The following BMPR1B variants were observed in gnomAD, a reference collection of about 807,000 sequenced individuals.
BMPR1B encodes bone morphogenetic protein receptor type-1B.
BMPR1B carries 12 observed loss-of-function variants against 59.1 expected under a neutral mutation model. The observed-to-expected ratio is 0.20, with a 90% CI of 0.13 to 0.33. The LOEUF (loss-of-function observed/expected upper bound fraction) is 0.33. Ranked by LOEUF, BMPR1B falls within the 10% of genes least tolerant of loss-of-function variation. BMPR1B has a pLI of 1.00. For missense variants in BMPR1B, 550 were observed against 610.9 expected, an observed-to-expected ratio of 0.90 and a Z score of 1.05; for synonymous variants, 237 against 207.3, an observed-to-expected ratio of 1.14 and a Z score of -1.23.
In BMPR1B at chr4:95,120,693, TTC is replaced by T. The variant is rs1351093675; in HGVS notation, c.350-3111_350-3110del. ...TCTTTCTTTTCTTTTCTTTCTTTCT[TTC>T]TCTCTTTCTCTCTCTCTCTCTTTCT... On this transcript the variant is annotated intron_variant, in intron 6 of 12. Coordinates refer to ENST00000515059, the MANE Select transcript of BMPR1B (RefSeq NM_001203.3). Among the ~76,000 whole-genome samples the T allele has an allele frequency of 5.4e-5, 8 of 148,390 alleles. No homozygotes were observed. In the East Asian group the frequency reaches 7.9e-4, roughly 15 times the overall value.
At chr4:94,975,357 G>GTTTTTTTTTTTTTTT (rs1177887549) in intron 2 of BMPR1B, among the ~76,000 whole-genome samples, 1 of 94,220 alleles carries the variant, frequency 1.1e-5, no homozygotes. Context: ...ATTTCCTTTT[G>GTTTTTTTTTTTTTTT]TTTTTGTTTT....
At chr4:95,019,975 T>A (rs1156964169) in intron 3 of BMPR1B, among the ~76,000 whole-genome samples, 1 of 152,158 alleles carries the variant, frequency 6.6e-6, no homozygotes, top group Non-Finnish European at 1.5e-5. Flanking sequence ...TTGAAGAGAA[T>A]AGTGTAAATT....
intron 9 of BMPR1B, among the ~76,000 whole-genome samples, chr4:95,130,602 A>C (rs1007883238): frequency 3.9e-5 from 6 of 151,980 alleles, no homozygotes; most frequent in Non-Finnish European, 7.4e-5. Flanking sequence ...ATACCATAGT[A>C]GTTTGTAATA....
chr4:95,023,347 T>C (rs1724124463), intron 3 of BMPR1B, among the ~76,000 whole-genome samples: 1 of 152,162 alleles, frequency 6.6e-6, no homozygotes, highest in African/African-American at 2.4e-5. Context: ...CTAGCAGCAA[T>C]GATGGCAAAC....
intron 1 of BMPR1B, among the ~76,000 whole-genome samples, chr4:94,816,355 A>G (rs1724010984): frequency 6.6e-6 from 1 of 151,878 alleles, no homozygotes. Context: ...TTTAGTAGAG[A>G]TGGAGTTTCA....
chr4:94,870,123 A>G (rs1343484560), intron 1 of BMPR1B, among the ~76,000 whole-genome samples: 1 of 152,206 alleles, frequency 6.6e-6, no homozygotes, highest in Admixed American at 6.5e-5. Context: ...AACTCTGATC[A>G]GTCTTAACTA....
At chr4:94,955,279 T>C (rs896486630) in intron 2 of BMPR1B, among the ~76,000 whole-genome samples, 1 of 152,204 alleles carries the variant, frequency 6.6e-6, no homozygotes, top group Non-Finnish European at 1.5e-5. Flanking sequence ...AGAAACTGTG[T>C]TTCATGATCT....
chr4:95,001,844 T>G (rs1372976111), intron 3 of BMPR1B, among the ~76,000 whole-genome samples: 2 of 152,174 alleles, frequency 1.3e-5, no homozygotes, highest in African/African-American at 4.8e-5. Context: ...AAGTTTTTGC[T>G]TCTCTATTTC....
At chr4:94,919,769 G>C (rs1728622850) in intron 2 of BMPR1B, among the ~76,000 whole-genome samples, 1 of 152,016 alleles carries the variant, frequency 6.6e-6, no homozygotes. Flanking sequence ...TATGGGAATG[G>C]GGAACTACCA....
At chr4:95,115,550 A>G (rs978421216) in intron 5 of BMPR1B, 135 bp from the exon 6 acceptor site, 3 of 761,732 alleles carry the variant, frequency 3.9e-6, no homozygotes, top group Admixed American at 2.1e-5. Context: ...AGAGGAGAAC[A>G]TATTTAAGGT....
At chr4:95,011,299 G>T (rs1331069372) in intron 3 of BMPR1B, among the ~76,000 whole-genome samples, 1 of 151,894 alleles carries the variant, frequency 6.6e-6, no homozygotes, top group Non-Finnish European at 1.5e-5. Flanking sequence ...TTTAGCTCCC[G>T]CTTATAAGTG....
At chr4:94,824,714 TTC>T (rs1431863940) in intron 1 of BMPR1B, among the ~76,000 whole-genome samples, 1 of 152,148 alleles carries the variant, frequency 6.6e-6, no homozygotes, top group African/African-American at 2.4e-5. Flanking sequence ...ACAGAAAAAT[TTC>T]TGTTTAATTG....
chr4:94,901,178 A>G (rs1003068256), intron 2 of BMPR1B, among the ~76,000 whole-genome samples: 13 of 151,980 alleles, frequency 8.6e-5, no homozygotes, highest in Non-Finnish European at 1.9e-4. Flanking sequence ...TTCCAAATTG[A>G]GTGTTGTGAC....
At chr4:95,023,561 T>A (rs879560772) in intron 3 of BMPR1B, among the ~76,000 whole-genome samples, 3 of 137,462 alleles carry the variant, frequency 2.2e-5, no homozygotes, top group East Asian at 2.2e-4. Context: ...TTTTTTTTTT[T>A]AAATTGATAG....
At chr4:95,009,324 A>G (rs1723066822) in intron 3 of BMPR1B, among the ~76,000 whole-genome samples, 1 of 152,214 alleles carries the variant, frequency 6.6e-6, no homozygotes. Flanking sequence ...GCAATTTTTT[A>G]ATAGTAGTAG....
chr4:94,765,598 G>A (rs567357030), intron 1 of BMPR1B, among the ~76,000 whole-genome samples: 1 of 152,116 alleles, frequency 6.6e-6, no homozygotes, highest in Non-Finnish European at 1.5e-5. Context: ...ACAGAGAGGG[G>A]ACATAATTTA....
intron 1 of BMPR1B, among the ~76,000 whole-genome samples, chr4:94,762,468 G>T (rs1041139360): frequency 6.6e-6 from 1 of 152,150 alleles, no homozygotes; most frequent in African/African-American, 2.4e-5. Context: ...AGATCTGAAA[G>T]AACTTCCTAT....
chr4:95,117,373 GACTCTAA>G (rs1360744170), intron 6 of BMPR1B, among the ~76,000 whole-genome samples: 1 of 152,146 alleles, frequency 6.6e-6, no homozygotes, highest in African/African-American at 2.4e-5. Flanking sequence ...GAGTAGCAGT[GACTCTAA>G]ACAGATGCAG....
In BMPR1B at chr4:94,971,523, A is replaced by C. The variant is rs115619660; in HGVS notation, c.-112-24517A>C. On this transcript the variant is annotated intron_variant, in intron 2 of 12. Coordinates refer to ENST00000515059, the MANE Select transcript of BMPR1B (RefSeq NM_001203.3). ...ATTCAGAGGTGCCTCAATTGCAGGC[A>C]GTGCTCACTCTCTACTTCTCTTCCT... is the stretch of plus-strand genomic sequence containing the variant. Among the ~76,000 whole-genome samples the C allele has an allele frequency of 8.3e-3, 1,271 of 152,250 alleles. 17 individuals are homozygous for C. Among genetic ancestry groups the C allele is most frequent in the African/African-American group, 0.029 (1,198 of 41,566 alleles).
Sources: gnomAD v4.1 joint callset for allele counts (sites outside exome capture counted in the v4.1 genomes callset) on GRCh38, gnomAD v4.1.1 for gene constraint, MANE v1.5 for transcripts, NCBI Gene and HGNC (gene_info 2026-07-23, HGNC 2026-07-21) for gene names.